Variants in GPR107 observed in about 807,000 individuals in gnomAD.
GPR107 encodes the protein G protein-coupled receptor 107.
GPR107 carries 31 observed loss-of-function variants against 75.5 expected under a neutral mutation model. The ratio of observed to expected loss-of-function variants is 0.41; its 90% CI spans 0.31 to 0.55. The LOEUF is 0.55. Ranked by LOEUF, GPR107 falls within the 20% of genes least tolerant of loss-of-function variation. GPR107 has a pLI of 0.26. For synonymous variants in GPR107, 267 were observed against 251.3 expected, an observed-to-expected ratio of 1.06 and a Z score of -0.59; for missense variants, 572 against 665.7, an observed-to-expected ratio of 0.86 and a Z score of 1.55.
intron 14 of GPR107, among the ~76,000 whole-genome samples, chr9:130,121,471 CA>C (rs1831545398): frequency 6.6e-6 from 1 of 152,212 alleles, no homozygotes; most frequent in Non-Finnish European, 1.5e-5. Context: ...CCCCCAAAAC[CA>C]ACAAGGAGAA....
chr9:130,074,851 A>G (rs12380103), intron 1 of GPR107, among the ~76,000 whole-genome samples: 16,271 of 151,718 alleles, frequency 0.11, 1,114 homozygotes, highest in East Asian at 0.25. Context: ...GGATTTATAT[A>G]AATGAGTGTA....
intron 1 of GPR107, 66 bp downstream of exon 1, chr9:130,054,139 T>C: frequency 7.0e-7 from 1 of 1,431,922 alleles, no homozygotes; most frequent in South Asian, 1.4e-5. Context: ...TTAGGGCAAC[T>C]TTGGCCCATT....
intron 9 of GPR107, among the ~76,000 whole-genome samples, chr9:130,095,766 G>A (rs536286885): frequency 4.6e-5 from 7 of 152,288 alleles, no homozygotes; most frequent in Middle Eastern, 3.4e-3. Context: ...TGTAATTTTT[G>A]TTGGAGTATA....
chr9:130,074,491 T>C (rs776276578), intron 1 of GPR107, among the ~76,000 whole-genome samples: 4 of 152,104 alleles, frequency 2.6e-5, no homozygotes, highest in Non-Finnish European at 5.9e-5. Flanking sequence ...GGAAGCCCAG[T>C]TTTAGAAGTG....
chr9:130,096,274 G>T (rs749289455), intron 9 of GPR107, among the ~76,000 whole-genome samples: 2 of 151,934 alleles, frequency 1.3e-5, no homozygotes, highest in Admixed American at 6.6e-5. Flanking sequence ...CCTTCAAGTA[G>T]GTGGGCACTG....
Position 130,077,348 on chromosome 9 carries a change from C to T in GPR107, c.356C>T (p.Thr119Ile). Residue 119 changes from threonine (T) to isoleucine (I), a missense_variant, in exon 4 of 18, where the codon ACC becomes ATC. Coordinates refer to ENST00000347136, the MANE Select transcript of GPR107 (RefSeq NM_020960.5). ...CILKKQSVSV[T>I]LLILDISRSE... is the part of the protein sequence containing the mutation. ...TTAAAGAAACAGTCTGTCTCTGTCA[C>T]CCTTTTAATCCTAGACATCTCCAGA... The T allele has an allele frequency of 6.4e-7, 1 of 1,561,450 alleles. No homozygotes were observed. The highest frequency in any genetic ancestry group is 8.8e-7 in the Non-Finnish European group (1 of 1,131,936).
chr9:130,072,072 A>G (rs1459058378), intron 1 of GPR107, among the ~76,000 whole-genome samples: 1 of 151,220 alleles, frequency 6.6e-6, no homozygotes, highest in Non-Finnish European at 1.5e-5. Flanking sequence ...CCTCGGTTCA[A>G]GCACTTCTGC....
intron 1 of GPR107, among the ~76,000 whole-genome samples, chr9:130,060,495 C>T (rs933104502): frequency 1.6e-4 from 24 of 145,934 alleles, no homozygotes; most frequent in African/African-American, 5.3e-4. Flanking sequence ...ACATAGTGCA[C>T]GATAGCCTCC....
At chr9:130,076,570 G>A (rs1031166977) in intron 3 of GPR107, 108 bp downstream of exon 3, 15 of 764,646 alleles carry the variant, frequency 2.0e-5, no homozygotes, top group Admixed American at 3.7e-5. Flanking sequence ...TTTGGAGTAC[G>A]GTGGCACAAT....
At chr9:130,083,233 A>C (rs1269398443) in intron 5 of GPR107, 1 of 167,430 alleles carries the variant, frequency 6.0e-6, no homozygotes, top group Non-Finnish European at 1.3e-5. Flanking sequence ...CTTCTTAAAA[A>C]TTGTGTTTTC....
At position 130,104,440 on chromosome 9, in the gene GPR107, C is replaced by T. The variant is rs569629423; in HGVS notation, c.1152C>T (p.Tyr384=). Residue 384 remains tyrosine, a synonymous_variant, in exon 13 of 18, where the codon TAC becomes TAT. Coordinates refer to ENST00000347136, the MANE Select transcript of GPR107 (RefSeq NM_020960.5). ...TGTAGGTCCTGGCAAATGTAGCCTA[C>T]ATCATCATAGAGTCCACCGAGGAGG... The part of the protein sequence containing the change: ...IPLQVLANVA[Y]IIIESTEEGT... The T allele has an allele frequency of 1.2e-4, 195 of 1,613,668 alleles. 2 individuals are homozygous for T. The South Asian group carries it at 2.0e-3, about 17-fold the overall frequency.
At chr9:130,055,401 G>C (rs1829743812) in intron 1 of GPR107, among the ~76,000 whole-genome samples, 2 of 152,090 alleles carry the variant, frequency 1.3e-5, no homozygotes, top group African/African-American at 4.8e-5. Context: ...CCTGGGAGGC[G>C]CTTGTAGTCC....
At chr9:130,055,869 G>A (rs1183570023) in intron 1 of GPR107, among the ~76,000 whole-genome samples, 2 of 151,710 alleles carry the variant, frequency 1.3e-5, no homozygotes, top group Admixed American at 6.6e-5. Flanking sequence ...GCTTGAACCC[G>A]GGAGGCTGAG....
intron 17 of GPR107, among the ~76,000 whole-genome samples, chr9:130,132,160 C>T (rs924277798): frequency 2.0e-5 from 3 of 152,090 alleles, no homozygotes; most frequent in Non-Finnish European, 2.9e-5. Context: ...GCTGGGAATG[C>T]AGGCGTGAGC....
chr9:130,135,330 T>A lies in GPR107; in HGVS notation c.*209T>A. The A allele has an allele frequency of 2.2e-6, 1 of 459,172 alleles. No individual in the cohort carries two copies. 28.4% of individuals were successfully genotyped at this position (459,172 alleles called of 1,614,324 possible). A position where few individuals can be genotyped will look rare whatever the true frequency, so the allele number is the denominator to read the frequency against. On this transcript the variant is annotated 3_prime_UTR_variant, in exon 18 of 18. Coordinates refer to ENST00000347136, the MANE Select transcript of GPR107 (RefSeq NM_020960.5). ...TGGCTGTTTAGAGGCAGCTGGATCCTCTTTCAGGCGGGAATGGGAGGGCGG... is the reference window on the plus strand; with the variant it reads ...TGGCTGTTTAGAGGCAGCTGGATCCACTTTCAGGCGGGAATGGGAGGGCGG...
chr9:130,111,909 T>A lies in GPR107; in HGVS notation c.1306+4370T>A, dbSNP rs536840984. On this transcript the variant is annotated intron_variant, in intron 14 of 17. Coordinates refer to ENST00000347136, the MANE Select transcript of GPR107 (RefSeq NM_020960.5). The stretch of plus-strand genomic sequence containing the variant: ...CTCTCAGGTCCTCGGTCACTGAGAC[T>A]CACAGCTGCACTGCATCCTCCGAGA... Among the ~76,000 whole-genome samples, 5 of 152,268 alleles carry A rather than the reference T, an allele frequency of 3.3e-5. No individual in the cohort carries two copies. In the South Asian group the frequency reaches 1.0e-3, roughly 32 times the overall value.
chr9:130,059,249 A>G (rs1829869480), intron 1 of GPR107, among the ~76,000 whole-genome samples: 2 of 152,188 alleles, frequency 1.3e-5, no homozygotes. Flanking sequence ...GGCCTTTGGG[A>G]GGCCAAGGCA....
chr9:130,118,401 G>A (rs1352170289), intron 14 of GPR107, among the ~76,000 whole-genome samples: 1 of 152,206 alleles, frequency 6.6e-6, no homozygotes, highest in East Asian at 1.9e-4. Flanking sequence ...TAGGGCAGGG[G>A]CAGCACCTCC....
At chr9:130,064,361 C>A (rs1018978413) in intron 1 of GPR107, among the ~76,000 whole-genome samples, 1 of 150,400 alleles carries the variant, frequency 6.6e-6, no homozygotes, top group African/African-American at 2.4e-5. Flanking sequence ...CCGCGCCCGG[C>A]TAATTTTTTG....
Sources: allele counts gnomAD v4.1 joint callset (sites outside exome capture counted in the v4.1 genomes callset), GRCh38; gene constraint gnomAD v4.1.1; transcripts MANE v1.5; gene names NCBI Gene and HGNC (gene_info 2026-07-23, HGNC 2026-07-21).